The following GRIN2A variants were observed in gnomAD, a reference collection of about 807,000 sequenced individuals.
GRIN2A encodes the protein glutamate ionotropic receptor NMDA type subunit 2A.
Under a neutral mutation model 113.4 loss-of-function variants are expected in GRIN2A, and 22 were observed. The observed-to-expected ratio is 0.19, with a 90% CI of 0.14 to 0.28. The LOEUF (loss-of-function observed/expected upper bound fraction) is 0.28. GRIN2A is among the 10% of genes least tolerant of loss of function. The pLI is 1.00. For synonymous variants in GRIN2A, 827 were observed against 738.4 expected, an observed-to-expected ratio of 1.12 and a Z score of -1.94; for missense variants, 1,502 against 1,887.0, an observed-to-expected ratio of 0.80 and a Z score of 3.78.
chr16:10,010,327 G>A (rs1451949708), intron 2 of GRIN2A, among the ~76,000 whole-genome samples: 2 of 152,186 alleles, frequency 1.3e-5, no homozygotes, highest in Non-Finnish European at 2.9e-5. Flanking sequence ...GAGTTTTCAA[G>A]AGAACCTTAT....
chr16:9,776,852 A>G (rs988796464), intron 11 of GRIN2A, among the ~76,000 whole-genome samples: 8 of 152,166 alleles, frequency 5.3e-5, no homozygotes, highest in African/African-American at 1.9e-4. Flanking sequence ...TCTAGGGCAC[A>G]GATTCATTGG....
intron 2 of GRIN2A, among the ~76,000 whole-genome samples, chr16:10,064,657 A>G (rs186427949): frequency 8.6e-4 from 131 of 152,348 alleles, no homozygotes; most frequent in African/African-American, 2.9e-3. Context: ...AAAACATATC[A>G]AGAGATGTCA....
At chr16:10,176,623 C>T (rs2050153455) in intron 2 of GRIN2A, among the ~76,000 whole-genome samples, 1 of 146,482 alleles carries the variant, frequency 6.8e-6, no homozygotes, top group African/African-American at 2.5e-5. Context: ...ACCGCATGTT[C>T]TCACTCATAG....
intron 2 of GRIN2A, among the ~76,000 whole-genome samples, chr16:9,952,122 C>A (rs2045199635): frequency 6.6e-6 from 1 of 152,102 alleles, no homozygotes; most frequent in African/African-American, 2.4e-5. Flanking sequence ...GTGGAGGGTT[C>A]ACTGGCCTCC....
rs546918088 is a variant in GRIN2A at position 9,762,945 on chromosome 16, T to G, written c.*204A>C. ...GGACTCACCTATCTGGTGTCTGCCA[T>G]GCTCAGCACACACCTCACAAGATTC... On this transcript the variant is annotated 3_prime_UTR_variant, in exon 13 of 13. Transcript: ENST00000330684. 25 of 616,334 alleles carry G rather than the reference T, an allele frequency of 4.1e-5. No homozygotes were observed. In the Admixed American group the frequency reaches 6.9e-4, roughly 17 times the overall value. 38.2% of individuals were successfully genotyped at this position (616,334 alleles called of 1,614,324 possible).
At chr16:10,060,347 C>T (rs2047530311) in intron 2 of GRIN2A, among the ~76,000 whole-genome samples, 1 of 152,164 alleles carries the variant, frequency 6.6e-6, no homozygotes, top group South Asian at 2.1e-4. Context: ...TGCCTCAGTT[C>T]TGTCCCACAC....
At chr16:9,949,187 T>G (rs527830626) in intron 2 of GRIN2A, among the ~76,000 whole-genome samples, 16 of 152,318 alleles carry the variant, frequency 1.1e-4, no homozygotes, top group African/African-American at 3.8e-4. Flanking sequence ...TAAATAGCTG[T>G]CTCCATGCAA....
intron 2 of GRIN2A, among the ~76,000 whole-genome samples, chr16:10,102,505 C>T (rs1372825182): frequency 1.3e-5 from 2 of 152,122 alleles, no homozygotes; most frequent in Non-Finnish European, 2.9e-5. Flanking sequence ...TTACAAATTA[C>T]CTAATGTTGG....
intron 4 of GRIN2A, among the ~76,000 whole-genome samples, chr16:9,851,131 T>C (rs1030280145): frequency 2.0e-5 from 3 of 152,122 alleles, no homozygotes; most frequent in Non-Finnish European, 2.9e-5. Context: ...AATTCAAACA[T>C]GCCGGACACC....
intron 2 of GRIN2A, among the ~76,000 whole-genome samples, chr16:10,122,707 A>G (rs1364536463): frequency 6.6e-6 from 1 of 152,170 alleles, no homozygotes; most frequent in Non-Finnish European, 1.5e-5. Context: ...GAAACATGAA[A>G]AGGGTGCAGA....
intron 2 of GRIN2A, among the ~76,000 whole-genome samples, chr16:9,947,735 G>A (rs1160547437): frequency 6.6e-6 from 1 of 152,022 alleles, no homozygotes; most frequent in Admixed American, 6.5e-5. Flanking sequence ...TCTTACTGGT[G>A]TCTGGGCCTT....
intron 11 of GRIN2A, among the ~76,000 whole-genome samples, chr16:9,776,277 G>A (rs1901597237): frequency 8.8e-6 from 1 of 113,488 alleles, no homozygotes; most frequent in South Asian, 3.7e-4. Context: ...TAACATCCTG[G>A]ATTTTTTTTT....
chr16:9,900,803 C>T (rs2043906746), intron 3 of GRIN2A, among the ~76,000 whole-genome samples: 1 of 152,152 alleles, frequency 6.6e-6, no homozygotes, highest in African/African-American at 2.4e-5. Context: ...CTAAGGATCA[C>T]CTAACCACTT....
At chr16:9,815,320 C>T (rs971798266) in intron 10 of GRIN2A, among the ~76,000 whole-genome samples, 1 of 150,372 alleles carries the variant, frequency 6.7e-6, no homozygotes, top group African/African-American at 2.4e-5. Flanking sequence ...AAAAAGGTAA[C>T]CCATGGAATA....
chr16:10,000,359 GT>G (rs145830963), intron 2 of GRIN2A, among the ~76,000 whole-genome samples: 14,272 of 151,642 alleles, frequency 0.094, 773 homozygotes, highest in African/African-American at 0.11. Context: ...GAGAAAGAAA[GT>G]TTTTTTTTCT....
Position 10,180,374 on chromosome 16 carries a change from G to C in GRIN2A, c.38C>G (p.Pro13Arg), listed in dbSNP as rs367543131. 6.2e-7 allele frequency: 1 copy of C among 1,607,868 alleles called. No individual in the cohort carries two copies. The highest frequency in any genetic ancestry group is 8.5e-7 in the Non-Finnish European group (1 of 1,179,848). The change falls in exon 2 of 13, where the codon CCG becomes CGG. Residue 13 changes from proline (P) to arginine (R), a missense_variant. By Grantham distance (103) the Pro-to-Arg change is moderately radical (BLOSUM62 -2). Around this residue, in one of 7 missense-constraint regions of GRIN2A, gnomAD observed 149 missense variants for 179.1 expected, o/e 0.83. Coordinates refer to ENST00000330684, the MANE Select transcript of GRIN2A (RefSeq NM_001134407.3). The surrounding 1 kb of genome is among the most constrained non-coding windows in gnomAD (Gnocchi z 7.0). ...RVGYWTLLVL[P>R]ALLVWRGPAP... ...CGGACCGCGCCAGACCAGAAGGGCC[G>C]GCAGCACCAGCAGGGTCCAATAGCC...
intron 11 of GRIN2A, among the ~76,000 whole-genome samples, chr16:9,787,753 A>C (rs1902317551): frequency 6.6e-6 from 1 of 152,214 alleles, no homozygotes; most frequent in Non-Finnish European, 1.5e-5. Context: ...AACTACTTCC[A>C]TGTGGAGAAA....
chr16:9,829,450 G>T lies in GRIN2A; in HGVS notation c.1980C>A (p.Asp660Glu). The T allele has an allele frequency of 6.2e-7, 1 of 1,613,678 alleles. No individual in the cohort carries two copies. The highest frequency in any genetic ancestry group is 8.5e-7 in the Non-Finnish European group (1 of 1,179,688). The change falls in exon 9 of 13, where the codon GAC (aspartate) becomes GAA (glutamate). Residue 660 changes from aspartate to glutamate, a missense_variant. Physicochemically the swap from Asp to Glu is conservative, Grantham distance 45. Transcript: ENST00000330684. ...TTTTGTCACTGAGGCCGGTCACTTG[G>T]TCCACAAATTCCTCTTGGATCATGA... ...AAFMIQEEFVDQVTGLSDKKF... is the reference protein window; with the variant it reads ...AAFMIQEEFVEQVTGLSDKKF...
chr16:9,794,429 C>T (rs1292583644), intron 11 of GRIN2A, among the ~76,000 whole-genome samples: 2 of 152,198 alleles, frequency 1.3e-5, no homozygotes, highest in Non-Finnish European at 2.9e-5. Flanking sequence ...GCTCTTTACA[C>T]GTCTAATTTT....
Sources: allele counts gnomAD v4.1 joint callset (sites outside exome capture counted in the v4.1 genomes callset), GRCh38; gene constraint gnomAD v4.1.1; regional missense constraint gnomAD v4.1.1; non-coding constraint Gnocchi (gnomAD v3.1); transcripts MANE v1.5; gene names NCBI Gene and HGNC (gene_info 2026-07-23, HGNC 2026-07-21).